FANCL: variants seen among roughly 807,000 people sequenced by gnomAD.
The protein encoded by FANCL is E3 ubiquitin-protein ligase FANCL.
FANCL carries 69 observed loss-of-function variants against 59.4 expected under a neutral mutation model. The ratio of observed to expected loss-of-function variants is 1.16; its 90% confidence interval spans 0.96 to 1.42. FANCL has a LOEUF of 1.42. Among genes scored for constraint, FANCL ranks in the 40% most tolerant of loss-of-function variants. FANCL has a pLI of 0.00. For missense variants in FANCL, 519 were observed against 447.2 expected, an observed-to-expected ratio of 1.16 and a Z score of -1.45; for synonymous variants, 180 against 147.1, an observed-to-expected ratio of 1.22 and a Z score of -1.62.
intron 7 of FANCL, among the ~76,000 whole-genome samples, chr2:58,196,694 A>G (rs969430821): frequency 1.3e-5 from 2 of 152,030 alleles, no homozygotes; most frequent in Admixed American, 1.3e-4. Flanking sequence ...AGTACTAAAC[A>G]ATCTTTTCAT....
intron 7 of FANCL, among the ~76,000 whole-genome samples, chr2:58,168,059 G>T (rs1210620265): frequency 6.6e-6 from 1 of 151,826 alleles, no homozygotes; most frequent in Non-Finnish European, 1.5e-5. Context: ...AAATAATATG[G>T]CCAAAATTAA....
intron 12 of FANCL, among the ~76,000 whole-genome samples, chr2:58,161,124 A>G (rs1030755789): frequency 6.6e-6 from 1 of 152,014 alleles, no homozygotes; most frequent in African/African-American, 2.4e-5. Context: ...AGTAATAGAT[A>G]CTACATAGTA....
chr2:58,171,796 G>C (rs1394703390), intron 7 of FANCL, among the ~76,000 whole-genome samples: 1 of 152,224 alleles, frequency 6.6e-6, no homozygotes, highest in Non-Finnish European at 1.5e-5. Context: ...GCAGAAGCAG[G>C]ACGAGGCACT....
chr2:58,227,102 T>C (rs1693084368), intron 3 of FANCL, among the ~76,000 whole-genome samples: 1 of 152,186 alleles, frequency 6.6e-6, no homozygotes, highest in African/African-American at 2.4e-5. Context: ...GGGCATGCGA[T>C]GGGAGTGTGG....
intron 7 of FANCL, among the ~76,000 whole-genome samples, chr2:58,174,350 A>G (rs905619736): frequency 1.3e-5 from 2 of 152,166 alleles, no homozygotes; most frequent in African/African-American, 4.8e-5. Context: ...TCTCAGCACC[A>G]CACCACACCT....
Position 58,159,449 on chromosome 2 carries a change from C to G in FANCL, c.*316G>C. 1 of 1,613,682 alleles carries G rather than the reference C, an allele frequency of 6.2e-7. No homozygotes were observed. Among genetic ancestry groups the G allele is most frequent in the Non-Finnish European group, 8.5e-7 (1 of 1,179,738 alleles). ...ATCAGCTATACACAATTCCCAAACT[C>G]ATTTTATGAGCCTCATCAAGATTTT... On this transcript the variant is annotated 3_prime_UTR_variant, in exon 14 of 14. Transcript: ENST00000233741.
At chr2:58,211,939 A>G (rs1363285598) in intron 5 of FANCL, among the ~76,000 whole-genome samples, 2 of 152,194 alleles carry the variant, frequency 1.3e-5, no homozygotes, top group Non-Finnish European at 2.9e-5. Flanking sequence ...AAACTCTCCC[A>G]CATTTTCCTA....
chr2:58,186,007 A>G (rs999598919), intron 7 of FANCL, among the ~76,000 whole-genome samples: 3 of 152,202 alleles, frequency 2.0e-5, no homozygotes, highest in African/African-American at 7.2e-5. Flanking sequence ...GTCAGTGCCT[A>G]TTACCCACTG....
chr2:58,229,349 C>A (rs906827967), intron 3 of FANCL, among the ~76,000 whole-genome samples: 1 of 151,970 alleles, frequency 6.6e-6, no homozygotes, highest in Non-Finnish European at 1.5e-5. Context: ...AGAAATTAAT[C>A]CTGCCTATTA....
At chr2:58,211,424 C>T (rs922832045) in intron 5 of FANCL, among the ~76,000 whole-genome samples, 3 of 152,198 alleles carry the variant, frequency 2.0e-5, no homozygotes, top group African/African-American at 7.2e-5. Flanking sequence ...TCCTACACCT[C>T]CAGGGCTGTT....
rs1684734990 is a variant in FANCL, at chr2:58,159,537, C to G, written c.*228G>C. 2 of 1,613,662 alleles carry G rather than the reference C, an allele frequency of 1.2e-6. No homozygotes were observed. Among genetic ancestry groups the G allele is most frequent in the African/African-American group, 2.7e-5 (2 of 74,892 alleles). ...CTTGGTATAAATACACTTCCACAGT[C>G]AGCACGGGGATCACAGACTTAGAAA... On this transcript the variant is annotated 3_prime_UTR_variant, in exon 14 of 14. Coordinates refer to ENST00000233741, the MANE Select transcript of FANCL (RefSeq NM_018062.4).
intron 7 of FANCL, 48 bp downstream of exon 7, chr2:58,198,546 T>G (rs1262343078): frequency 6.6e-7 from 1 of 1,526,600 alleles, no homozygotes; most frequent in Admixed American, 1.7e-5. Flanking sequence ...CAACTGTACT[T>G]TTTAATTACT....
intron 7 of FANCL, among the ~76,000 whole-genome samples, chr2:58,175,203 G>T (rs1287333009): frequency 6.8e-6 from 1 of 147,524 alleles, no homozygotes; most frequent in Non-Finnish European, 1.5e-5. Flanking sequence ...TCTACCAGAG[G>T]TACAAGGAGG....
intron 7 of FANCL, among the ~76,000 whole-genome samples, chr2:58,188,710 G>T (rs1365928625): frequency 1.3e-5 from 2 of 151,536 alleles, no homozygotes; most frequent in Non-Finnish European, 2.9e-5. Context: ...GAAGTGTTGG[G>T]ATTACGGGTG....
chr2:58,230,641 A>G (rs1312572965), intron 2 of FANCL, among the ~76,000 whole-genome samples: 1 of 152,162 alleles, frequency 6.6e-6, no homozygotes, highest in African/African-American at 2.4e-5. Context: ...TGGCCTTTTC[A>G]AACTGTCACA....
At chr2:58,224,559 C>A (rs1008430664) in intron 4 of FANCL, among the ~76,000 whole-genome samples, 1 of 151,770 alleles carries the variant, frequency 6.6e-6, no homozygotes, top group Admixed American at 6.6e-5. Context: ...AAAAAGGACT[C>A]CAGAAAACAA....
intron 5 of FANCL, among the ~76,000 whole-genome samples, chr2:58,212,497 G>C (rs1023258594): frequency 6.6e-6 from 1 of 152,000 alleles, no homozygotes; most frequent in East Asian, 1.9e-4. Flanking sequence ...AGACTGACAG[G>C]GGCCAAAACA....
intron 1 of FANCL, 50 bp from the exon 2 acceptor site, chr2:58,232,162 T>C: frequency 2.8e-6 from 4 of 1,425,934 alleles, no homozygotes; most frequent in East Asian, 2.3e-5. Context: ...TTTCACTTAA[T>C]GCTGAGAAGT....
chr2:58,215,843 T>C (rs1691662830), intron 5 of FANCL, among the ~76,000 whole-genome samples: 1 of 151,808 alleles, frequency 6.6e-6, no homozygotes, highest in African/African-American at 2.4e-5. Flanking sequence ...TCAAAACTTC[T>C]GATAAATCCT....
Sources: allele counts gnomAD v4.1 joint callset (sites outside exome capture counted in the v4.1 genomes callset), GRCh38; gene constraint gnomAD v4.1.1; transcripts MANE v1.5; gene names NCBI Gene and HGNC (gene_info 2026-07-23, HGNC 2026-07-21).